Variants in ZMYND8 observed in about 807,000 individuals in gnomAD.
ZMYND8 encodes the protein MYND-type zinc finger-containing chromatin reader ZMYND8.
Under a neutral mutation model 140.8 loss-of-function variants are expected in ZMYND8, and 37 were observed. That is an observed-to-expected ratio of 0.26 (90% confidence interval 0.20 to 0.35). ZMYND8 has a LOEUF of 0.35. Ranked by LOEUF, ZMYND8 falls within the 10% of genes least tolerant of loss-of-function variation. The pLI, the probability that ZMYND8 is intolerant of heterozygous loss-of-function variation, is 1.00. For synonymous variants in ZMYND8, 592 were observed against 597.1 expected (o/e 0.99, Z 0.12); for missense variants, 1,068 against 1,570.0 (o/e 0.68, Z 5.40).
chr20:47,306,812 G>T (rs112958945), intron 3 of ZMYND8, among the ~76,000 whole-genome samples: 2 of 152,122 alleles, frequency 1.3e-5, no homozygotes, highest in Non-Finnish European at 2.9e-5. Context: ...AAAAGAAGAC[G>T]ACAGTGGAGA....
intron 6 of ZMYND8, among the ~76,000 whole-genome samples, chr20:47,290,881 G>C (rs569160046): frequency 2.9e-4 from 44 of 152,066 alleles, no homozygotes; most frequent in African/African-American, 1.0e-3. Context: ...TTGAGCCACC[G>C]CGCCCGGCCA....
chr20:47,211,030 C>A, intron 22 of ZMYND8, 133 bp from the exon 23 acceptor site: 1 of 1,222,006 alleles, frequency 8.2e-7, no homozygotes, highest in Middle Eastern at 2.5e-4. Context: ...ACACTGCCAC[C>A]GCTGACTGCC....
Position 47,287,189 on chromosome 20 carries a change from T to C in ZMYND8, c.804+40A>G, listed in dbSNP as rs1426808938. ...AAACTTCAGCTGCCCCATCCCCTCC[T>C]TCTGGGTGCATCTAAAACAGGACAG... On this transcript the variant is annotated intron_variant, in intron 8 of 22. Transcript: ENST00000471951. The C allele has an allele frequency of 2.5e-6, 4 of 1,581,274 alleles. No homozygotes were observed. In the South Asian group the frequency reaches 4.4e-5, roughly 17 times the overall value.
intron 2 of ZMYND8, chr20:47,319,145 G>T: frequency 1.2e-6 from 1 of 819,938 alleles, no homozygotes; most frequent in African/African-American, 1.8e-5. Flanking sequence ...GCATTAGGTC[G>T]CCCGGCGGGG....
intron 10 of ZMYND8, among the ~76,000 whole-genome samples, chr20:47,278,599 C>T (rs570851886): frequency 4.2e-4 from 64 of 151,798 alleles, no homozygotes; most frequent in South Asian, 1.3e-3. Flanking sequence ...ACAATACAGG[C>T]GGATTGTTTG....
chr20:47,266,186 C>A (rs568288390), intron 11 of ZMYND8, among the ~76,000 whole-genome samples: 2 of 152,134 alleles, frequency 1.3e-5, no homozygotes, highest in African/African-American at 2.4e-5. Flanking sequence ...ACACCCTGCA[C>A]CTGCCTTGTC....
chr20:47,292,723 A>T (rs1043555245), intron 5 of ZMYND8, among the ~76,000 whole-genome samples: 3 of 152,006 alleles, frequency 2.0e-5, no homozygotes, highest in Admixed American at 2.0e-4. Flanking sequence ...CCTTTGTGCA[A>T]ATCAGGTAGG....
At chr20:47,324,534 TA>T (rs1284223203) in intron 2 of ZMYND8, among the ~76,000 whole-genome samples, 1 of 151,740 alleles carries the variant, frequency 6.6e-6, no homozygotes, top group East Asian at 1.9e-4. Context: ...AAAAAGTAAA[TA>T]AAAACCTCAA....
chr20:47,236,795 A>G (rs1056953573), intron 15 of ZMYND8, among the ~76,000 whole-genome samples: 1 of 152,160 alleles, frequency 6.6e-6, no homozygotes, highest in African/African-American at 2.4e-5. Context: ...GGAAAACTCA[A>G]TGCTGGCAAA....
At chr20:47,291,762 G>A in intron 6 of ZMYND8, 34 bp downstream of exon 6, 1 of 1,577,880 alleles carries the variant, frequency 6.3e-7, no homozygotes, top group Non-Finnish European at 8.7e-7. Context: ...TCAACTGTGG[G>A]CTAGAATGGT....
chr20:47,224,684 C>T (rs1600969652), intron 18 of ZMYND8, 128 bp from the exon 19 acceptor site: 1 of 1,502,504 alleles, frequency 6.7e-7, no homozygotes, highest in Non-Finnish European at 8.9e-7. Context: ...GCTGTGTGCC[C>T]ATGGGCAATA....
At chr20:47,277,964 C>T (rs1299239539) in intron 10 of ZMYND8, among the ~76,000 whole-genome samples, 1 of 151,962 alleles carries the variant, frequency 6.6e-6, no homozygotes, top group Non-Finnish European at 1.5e-5. Flanking sequence ...AGCCACCGTG[C>T]CCAGTCTTTT....
intron 2 of ZMYND8, among the ~76,000 whole-genome samples, chr20:47,317,969 CA>C (rs2148315891): frequency 6.6e-6 from 1 of 152,224 alleles, no homozygotes; most frequent in East Asian, 1.9e-4. Context: ...AAATAGTAAG[CA>C]CCTATTCAAT....
chr20:47,296,756 G>A (rs1033797975), intron 4 of ZMYND8, among the ~76,000 whole-genome samples: 1 of 152,104 alleles, frequency 6.6e-6, no homozygotes, highest in Non-Finnish European at 1.5e-5. Flanking sequence ...AGGAGTTCAA[G>A]ACCAGCCTAG....
chr20:47,284,338 C>A lies in ZMYND8; in HGVS notation c.805-690G>T, dbSNP rs189856864. ...GTCAGAGCACTTTAACCATTCCCCC[C>A]ACCCACAGGGATCACATAGCAATGT... On this transcript the variant is annotated intron_variant, in intron 8 of 22. Coordinates refer to ENST00000471951, the MANE Select transcript of ZMYND8 (RefSeq NM_001281775.3). Among the ~76,000 whole-genome samples the A allele has an allele frequency of 1.0e-3, 159 of 152,306 alleles. 1 individual carries two copies. The highest frequency in any genetic ancestry group is 3.7e-3 in the African/African-American group (154 of 41,570).
intron 18 of ZMYND8, among the ~76,000 whole-genome samples, chr20:47,225,541 G>GA (rs1202408979): frequency 1.5e-5 from 2 of 136,362 alleles, no homozygotes; most frequent in Non-Finnish European, 3.1e-5. Context: ...CAACAAGAGT[G>GA]AAACTCCATT....
chr20:47,279,431 C>T (rs901332215), intron 10 of ZMYND8, among the ~76,000 whole-genome samples: 1 of 151,998 alleles, frequency 6.6e-6, no homozygotes, highest in Non-Finnish European at 1.5e-5. Context: ...AAGCGAGACC[C>T]CGCCTCAAAT....
intron 3 of ZMYND8, among the ~76,000 whole-genome samples, chr20:47,306,223 T>A (rs2078469988): frequency 6.6e-6 from 1 of 151,848 alleles, no homozygotes; most frequent in Admixed American, 6.6e-5. Context: ...GAGACCCCCA[T>A]CTCTATAACA....
chr20:47,291,765 AGAAT>A, intron 6 of ZMYND8, 27 bp downstream of exon 6: 1 of 1,587,036 alleles, frequency 6.3e-7, no homozygotes, highest in Non-Finnish European at 8.6e-7. Flanking sequence ...ACTGTGGGCT[AGAAT>A]GGTGAGGTTC....
Sources: allele counts gnomAD v4.1 joint callset (sites outside exome capture counted in the v4.1 genomes callset), GRCh38; gene constraint gnomAD v4.1.1; transcripts MANE v1.5; gene names NCBI Gene and HGNC (gene_info 2026-07-23, HGNC 2026-07-21).